KIF16B: variants seen among roughly 807,000 people sequenced by gnomAD.
The protein encoded by KIF16B is kinesin family member 16B.
Under a neutral mutation model 156.3 loss-of-function variants are expected in KIF16B, and 98 were observed. That is an observed-to-expected ratio of 0.63 (90% CI 0.53 to 0.74). The LOEUF (loss-of-function observed/expected upper bound fraction) is 0.74. KIF16B is among the 30% of genes least tolerant of loss of function. The pLI, the probability that KIF16B is intolerant of heterozygous loss-of-function variation, is 0.00. For missense variants in KIF16B, 1,421 were observed against 1,606.5 expected (o/e 0.88, Z 1.97); for synonymous variants, 564 against 583.7 (o/e 0.97, Z 0.49).
chr20:16,409,144 G>T (rs1600315831), intron 15 of KIF16B, among the ~76,000 whole-genome samples: 1 of 152,108 alleles, frequency 6.6e-6, no homozygotes, highest in South Asian at 2.1e-4. Flanking sequence ...AATGATAAGG[G>T]TTTATTATAG....
At chr20:16,296,823 GATGTGTTT>G (rs2122548796) in intron 25 of KIF16B, among the ~76,000 whole-genome samples, 1 of 152,348 alleles carries the variant, frequency 6.6e-6, no homozygotes, top group South Asian at 2.1e-4. Context: ...CATTATTTGG[GATGTGTTT>G]ATGAGGGTGT....
intron 23 of KIF16B, among the ~76,000 whole-genome samples, chr20:16,343,098 T>C (rs1186878077): frequency 6.6e-6 from 1 of 152,198 alleles, no homozygotes; most frequent in Non-Finnish European, 1.5e-5. Context: ...TTATTTAATG[T>C]TGAGAATGCA....
At chr20:16,422,427 T>C (rs1371734147) in intron 15 of KIF16B, among the ~76,000 whole-genome samples, 1 of 152,098 alleles carries the variant, frequency 6.6e-6, no homozygotes, top group Non-Finnish European at 1.5e-5. Flanking sequence ...GCAGGAACAT[T>C]GCTGGTCAAT....
intron 12 of KIF16B, among the ~76,000 whole-genome samples, chr20:16,477,202 T>TTTTTTC (rs67735700): frequency 7.2e-6 from 1 of 139,312 alleles, no homozygotes; most frequent in Non-Finnish European, 1.5e-5. Context: ...TTTTTTTTTC[T>TTTTTTC]CTCCTTAAAA....
At chr20:16,447,189 T>C (rs1259087599) in intron 12 of KIF16B, among the ~76,000 whole-genome samples, 1 of 152,180 alleles carries the variant, frequency 6.6e-6, no homozygotes, top group Non-Finnish European at 1.5e-5. Context: ...ATCTGCACTT[T>C]AAGTTCCTCT....
chr20:16,412,508 C>T (rs889538368), intron 15 of KIF16B, among the ~76,000 whole-genome samples: 1 of 152,158 alleles, frequency 6.6e-6, no homozygotes. Context: ...GTAACTGACT[C>T]ACAGTTCAGC....
At chr20:16,451,324 G>T (rs1176810405) in intron 12 of KIF16B, among the ~76,000 whole-genome samples, 2 of 150,490 alleles carry the variant, frequency 1.3e-5, no homozygotes, top group African/African-American at 5.0e-5. Context: ...AGAATAATGA[G>T]AGACAGAAAA....
intron 1 of KIF16B, among the ~76,000 whole-genome samples, chr20:16,565,756 A>G (rs1255448198): frequency 6.6e-6 from 1 of 152,138 alleles, no homozygotes; most frequent in African/African-American, 2.4e-5. Context: ...GCACCCCGAA[A>G]CAAATCAACA....
chr20:16,363,814 C>CT (rs1206196229), intron 22 of KIF16B, among the ~76,000 whole-genome samples: 1 of 152,152 alleles, frequency 6.6e-6, no homozygotes, highest in African/African-American at 2.4e-5. Context: ...AAAATAAAAA[C>CT]TTTTTTTAAT....
At chr20:16,367,299 T>C in intron 22 of KIF16B, 1 of 1,612,842 alleles carries the variant, frequency 6.2e-7, no homozygotes, top group Non-Finnish European at 8.5e-7. Context: ...GGTGCTCAGG[T>C]GGACTATTTC....
intron 25 of KIF16B, among the ~76,000 whole-genome samples, chr20:16,284,361 T>C (rs2063191126): frequency 6.6e-6 from 1 of 152,212 alleles, no homozygotes; most frequent in African/African-American, 2.4e-5. Flanking sequence ...TCAAAACAAC[T>C]TGCAAACCCT....
At chr20:16,408,289 C>T (rs532596002) in intron 15 of KIF16B, among the ~76,000 whole-genome samples, 1 of 152,226 alleles carries the variant, frequency 6.6e-6, no homozygotes, top group South Asian at 2.1e-4. Context: ...AGTTTAGGAG[C>T]CCTAGTGGGG....
chr20:16,521,055 T>C (rs1184914209), intron 3 of KIF16B, among the ~76,000 whole-genome samples: 1 of 151,952 alleles, frequency 6.6e-6, no homozygotes, highest in African/African-American at 2.4e-5. Flanking sequence ...TCCACGAAGA[T>C]GAGGAAAAAC....
chr20:16,479,272 G>A (rs1053378293), intron 12 of KIF16B, among the ~76,000 whole-genome samples: 1 of 152,126 alleles, frequency 6.6e-6, no homozygotes, highest in Admixed American at 6.5e-5. Context: ...ACCAAATACT[G>A]CATGTTCTCA....
In KIF16B at chr20:16,573,297, C is replaced by T; in HGVS notation, c.-22G>A. ...CCATCGCTCATCCCGAACCAGCCCG[C>T]GCGGGGTCCCACTAGCCCAGAACTC... On this transcript the variant is annotated 5_prime_UTR_variant, in exon 1 of 26. Transcript: ENST00000354981. The T allele has an allele frequency of 1.2e-6, 2 of 1,609,226 alleles. No homozygotes were observed. The highest frequency in any genetic ancestry group is 1.7e-6 in the Non-Finnish European group (2 of 1,178,638).
At chr20:16,533,399 CTG>C (rs1197108579) in intron 1 of KIF16B, among the ~76,000 whole-genome samples, 1 of 152,200 alleles carries the variant, frequency 6.6e-6, no homozygotes, top group Non-Finnish European at 1.5e-5. Flanking sequence ...ATTTTAACAA[CTG>C]TAAATGATTC....
intron 15 of KIF16B, among the ~76,000 whole-genome samples, chr20:16,409,760 C>A (rs574737607): frequency 9.6e-4 from 145 of 151,272 alleles, no homozygotes; most frequent in African/African-American, 2.9e-3. Context: ...GAATGCATCA[C>A]TAGTTGAATG....
chr20:16,522,754 A>G (rs962633142), intron 3 of KIF16B, among the ~76,000 whole-genome samples: 1 of 152,200 alleles, frequency 6.6e-6, no homozygotes, highest in African/African-American at 2.4e-5. Context: ...TCTAAAATTG[A>G]CCACATAATT....
At position 16,528,353 on chromosome 20, in the gene KIF16B, G is replaced by A. The variant is rs368460072; in HGVS notation, c.117+18C>T. The A allele has an allele frequency of 7.5e-6, 12 of 1,604,030 alleles. No individual in the cohort carries two copies. The African/African-American group carries it at 8.0e-5, about 11-fold the overall frequency. On this transcript the variant is annotated intron_variant, in intron 2 of 25. Coordinates refer to ENST00000354981, the MANE Select transcript of KIF16B (RefSeq NM_024704.5). ...CATGGGGCTCTTGGAACTTAAGCAAGGCCAGGTCATGACTTGCCTTTAAGT... is the reference window on the plus strand; with the variant it reads ...CATGGGGCTCTTGGAACTTAAGCAAAGCCAGGTCATGACTTGCCTTTAAGT...
Sources: allele counts gnomAD v4.1 joint callset (sites outside exome capture counted in the v4.1 genomes callset), GRCh38; gene constraint gnomAD v4.1.1; transcripts MANE v1.5; gene names NCBI Gene and HGNC (gene_info 2026-07-23, HGNC 2026-07-21).